FGD5: variants seen among roughly 807,000 people sequenced by gnomAD.
FGD5 encodes FYVE, RhoGEF and PH domain containing 5, also known as FYVE, RhoGEF and PH domain-containing protein 5.
FGD5 carries 28 observed loss-of-function variants against 133.4 expected under a neutral mutation model. That is an observed-to-expected ratio of 0.21 (90% CI 0.16 to 0.29). The LOEUF (loss-of-function observed/expected upper bound fraction) is 0.29, where lower values mean the gene tolerates loss of function less well. FGD5 is among the 10% of genes least tolerant of loss of function. The pLI, the probability that FGD5 is intolerant of heterozygous loss-of-function variation, is 1.00. For synonymous variants in FGD5, 810 were observed against 776.5 expected, an observed-to-expected ratio of 1.04 and a Z score of -0.72; for missense variants, 1,858 against 1,895.2, an observed-to-expected ratio of 0.98 and a Z score of 0.36.
At position 14,922,837 on chromosome 3, in the gene FGD5, C is replaced by G. The variant is rs1294885668; in HGVS notation, c.3808-209C>G. ...AAGTATCATGTAGTGGTTAAGGGCG[C>G]GGGCTCATCAGAAAAGCAGATAGGC... On this transcript the variant is annotated intron_variant, in intron 15 of 19. Coordinates refer to ENST00000285046, the MANE Select transcript of FGD5 (RefSeq NM_152536.4). This position sits in a 1 kb window ranked among gnomAD's most constrained non-coding sequence, Gnocchi z 4.1. Among the ~76,000 whole-genome samples, 1 of 152,128 alleles carries G rather than the reference C, an allele frequency of 6.6e-6. No homozygotes were observed.
intron 1 of FGD5, among the ~76,000 whole-genome samples, chr3:14,842,513 G>A (rs368356737): frequency 6.6e-6 from 1 of 152,218 alleles, no homozygotes; most frequent in South Asian, 2.1e-4. Flanking sequence ...TGTTCTCCTC[G>A]ACATGCCCCT....
chr3:14,908,258 G>A lies in FGD5; in HGVS notation c.3336+547G>A, dbSNP rs115169634. Among the ~76,000 whole-genome samples, 1,095 of 152,298 alleles carry A rather than the reference G, an allele frequency of 7.2e-3. 7 individuals are homozygous for A. Among genetic ancestry groups the A allele is most frequent in the Non-Finnish European group, 0.013 (871 of 68,034 alleles). ...CTCAAGATTAGCAGGTGTCTCATGG[G>A]ACTGAGATTCTGTAAAGTTACATTT... is the stretch of plus-strand genomic sequence containing the variant. On this transcript the variant is annotated intron_variant, in intron 10 of 19. Transcript: ENST00000285046.
At chr3:14,900,705 C>T (rs2038221316) in intron 8 of FGD5, among the ~76,000 whole-genome samples, 1 of 152,166 alleles carries the variant, frequency 6.6e-6, no homozygotes, top group Non-Finnish European at 1.5e-5. Context: ...GGGGAGTCAC[C>T]AGAATTTGGT....
chr3:14,824,807 C>T (rs769786230), intron 1 of FGD5, among the ~76,000 whole-genome samples: 2 of 152,060 alleles, frequency 1.3e-5, no homozygotes, highest in Admixed American at 6.6e-5. Context: ...TATCAGTTGC[C>T]GTAAATAGAA....
intron 2 of FGD5, among the ~76,000 whole-genome samples, chr3:14,869,440 CACATA>C (rs2037562425): frequency 6.6e-6 from 1 of 152,184 alleles, no homozygotes; most frequent in Non-Finnish European, 1.5e-5. Context: ...TGGGAAAATA[CACATA>C]ACATAAAATC....
At chr3:14,900,099 C>T (rs1215479681) in intron 7 of FGD5, among the ~76,000 whole-genome samples, 3 of 152,216 alleles carry the variant, frequency 2.0e-5, no homozygotes, top group Non-Finnish European at 2.9e-5. Context: ...CCATGTCTGT[C>T]GCCCCCAGTG....
At position 14,820,206 on chromosome 3, in the gene FGD5, A is replaced by C. The variant is rs1176946714; in HGVS notation, c.1135A>C (p.Lys379Gln). 2.5e-5 allele frequency: 40 copies of C among 1,611,796 alleles called. No homozygotes were observed. The highest frequency in any genetic ancestry group is 3.4e-5 in the Non-Finnish European group (40 of 1,178,472). ...AGGTTTAGAATCAGAGCAGGCACCA[A>C]AGCTGGGGCTGCGTGCGGAGGAGAA... Reference protein sequence around the residue: ...AKGLESEQAPKLGLRAEENPM... With the variant: ...AKGLESEQAPQLGLRAEENPM... Residue 379 changes from lysine to glutamine, a missense_variant, in exon 1 of 20, where the codon AAG (lysine) becomes CAG (glutamine). Lys to Gln is a moderately conservative substitution (Grantham distance 53). Transcript: ENST00000285046.
chr3:14,812,860 C>G (rs2036313918), intron 1 of FGD5, among the ~76,000 whole-genome samples: 1 of 152,116 alleles, frequency 6.6e-6, no homozygotes, highest in Non-Finnish European at 1.5e-5. Flanking sequence ...CAGTAAATAC[C>G]AGCTAATATT....
chr3:14,868,943 A>G (rs988092809), intron 2 of FGD5, among the ~76,000 whole-genome samples: 18 of 152,152 alleles, frequency 1.2e-4, no homozygotes, highest in Non-Finnish European at 2.9e-5. Context: ...AGAGAAGGGG[A>G]TGGAAGGTAA....
intron 10 of FGD5, among the ~76,000 whole-genome samples, 181 bp downstream of exon 10, chr3:14,907,892 C>A (rs2038370296): frequency 1.3e-5 from 2 of 152,186 alleles, no homozygotes; most frequent in Non-Finnish European, 2.9e-5. Flanking sequence ...AGGCTGCCTT[C>A]CCTGGGGTTC....
intron 10 of FGD5, among the ~76,000 whole-genome samples, 185 bp downstream of exon 10, chr3:14,907,896 G>A (rs747107061): frequency 2.0e-5 from 3 of 152,184 alleles, no homozygotes; most frequent in Non-Finnish European, 4.4e-5. Context: ...TGCCTTCCCT[G>A]GGGTTCTCCA....
rs577170328 is a variant in FGD5, at chr3:14,819,843, G to A, written c.772G>A (p.Glu258Lys). The change falls in exon 1 of 20, where the codon GAG becomes AAG. Residue 258 changes from glutamate to lysine, a missense_variant. Transcript: ENST00000285046. This position sits in a 1 kb window ranked among gnomAD's most constrained non-coding sequence, Gnocchi z 4.1. ...CAGTGAGGAGCCCCCTGAGAAGGAG[G>A]AGCTGGCCGGGGTCCAGGAGGCAGA... ...DTSEEPPEKEELAGVQEAETA... is the reference protein window; with the variant it reads ...DTSEEPPEKEKLAGVQEAETA... 1.2e-5 allele frequency: 19 copies of A among 1,609,748 alleles called. 1 individual carries two copies. In the Admixed American group the frequency reaches 3.2e-4, roughly 27 times the overall value.
chr3:14,874,315 T>G (rs911747751), intron 2 of FGD5, among the ~76,000 whole-genome samples: 6 of 151,960 alleles, frequency 3.9e-5, no homozygotes, highest in African/African-American at 9.7e-5. Flanking sequence ...GGCCAGGAGT[T>G]GGAGACCAGC....
chr3:14,905,607 T>C (rs769737206), intron 9 of FGD5, among the ~76,000 whole-genome samples: 12 of 152,144 alleles, frequency 7.9e-5, no homozygotes, highest in Non-Finnish European at 1.5e-4. Context: ...TTTTTTACTT[T>C]CAAAATTTCC....
At chr3:14,844,002 C>G (rs1490555156) in intron 1 of FGD5, among the ~76,000 whole-genome samples, 1 of 149,858 alleles carries the variant, frequency 6.7e-6, no homozygotes, top group Non-Finnish European at 1.5e-5. Context: ...GCTCCCAGGG[C>G]GCTTTTCTAA....
intron 9 of FGD5, among the ~76,000 whole-genome samples, chr3:14,901,846 G>GT (rs1420822930): frequency 6.6e-6 from 1 of 152,242 alleles, no homozygotes; most frequent in Admixed American, 6.5e-5. Flanking sequence ...GTGTTGGGGA[G>GT]TGGAGATACA....
intron 1 of FGD5, among the ~76,000 whole-genome samples, chr3:14,855,455 C>G (rs551311571): frequency 1.0e-3 from 155 of 152,298 alleles, no homozygotes; most frequent in African/African-American, 3.4e-3. Flanking sequence ...AGTGGCTCTA[C>G]TGATTTACAT....
chr3:14,897,797 G>A, intron 5 of FGD5, 128 bp downstream of exon 5: 1 of 1,454,764 alleles, frequency 6.9e-7, no homozygotes, highest in Non-Finnish European at 9.2e-7. Context: ...GAAGTGTTAA[G>A]TCATTTGCTC....
At chr3:14,878,704 T>A (rs1301588964) in intron 2 of FGD5, among the ~76,000 whole-genome samples, 1 of 150,908 alleles carries the variant, frequency 6.6e-6, no homozygotes, top group East Asian at 1.9e-4. Flanking sequence ...GACAGGAAAC[T>A]GCCTAGTTCC....
Sources: gnomAD v4.1 joint callset for allele counts (sites outside exome capture counted in the v4.1 genomes callset) on GRCh38, gnomAD v4.1.1 for gene constraint, Gnocchi (gnomAD v3.1) non-coding constraint, MANE v1.5 for transcripts, NCBI Gene and HGNC (gene_info 2026-07-23, HGNC 2026-07-21) for gene names.